Variants in GPC6 observed in about 807,000 individuals in gnomAD.
The protein encoded by GPC6 is glypican-6.
Under a neutral mutation model 55.2 loss-of-function variants are expected in GPC6, and 14 were observed. The observed-to-expected ratio is 0.25, with a 90% CI of 0.17 to 0.40. The LOEUF is 0.40. Among genes scored for constraint, GPC6 ranks in the 10% least tolerant of loss-of-function variants. The probability of loss-of-function intolerance (pLI) is 1.00; values close to 1 mark genes in which losing one functional copy is unlikely to be tolerated. For synonymous variants in GPC6, 278 were observed against 259.6 expected (o/e 1.07, Z -0.68); for missense variants, 641 against 708.5 (o/e 0.90, Z 1.08).
At chr13:93,741,216 G>A (rs1392317155) in intron 2 of GPC6, among the ~76,000 whole-genome samples, 4 of 136,068 alleles carry the variant, frequency 2.9e-5, no homozygotes, top group Middle Eastern at 4.6e-3. Flanking sequence ...CCAGGTTCAC[G>A]CCATTCTCCT....
chr13:94,163,931 G>A (rs907782809), intron 4 of GPC6, among the ~76,000 whole-genome samples: 1 of 152,206 alleles, frequency 6.6e-6, no homozygotes, highest in Non-Finnish European at 1.5e-5. Context: ...TAAATATGCA[G>A]TGTGTAGAGG....
chr13:93,934,788 C>G (rs1374343656), intron 3 of GPC6, among the ~76,000 whole-genome samples: 1 of 148,482 alleles, frequency 6.7e-6, no homozygotes, highest in African/African-American at 2.5e-5. Context: ...ACCATAGTGT[C>G]TGACTTTGTG....
chr13:94,215,995 T>A (rs1013404973), intron 4 of GPC6, among the ~76,000 whole-genome samples: 1 of 61,156 alleles, frequency 1.6e-5, no homozygotes, highest in Non-Finnish European at 3.5e-5. Context: ...TTTTAGACGT[T>A]AGTTCCTATT....
At chr13:93,911,467 C>G (rs1039714392) in intron 3 of GPC6, among the ~76,000 whole-genome samples, 2 of 151,854 alleles carry the variant, frequency 1.3e-5, no homozygotes, top group Non-Finnish European at 2.9e-5. Flanking sequence ...CTTGGTCAAT[C>G]ACAAGGATAT....
At chr13:93,936,582 T>A (rs1246754767) in intron 3 of GPC6, among the ~76,000 whole-genome samples, 1 of 152,218 alleles carries the variant, frequency 6.6e-6, no homozygotes, top group Non-Finnish European at 1.5e-5. Flanking sequence ...TATGAAATTT[T>A]AATTACATTA....
chr13:93,788,834 A>G (rs1341883400), intron 2 of GPC6, among the ~76,000 whole-genome samples: 1 of 152,178 alleles, frequency 6.6e-6, no homozygotes, highest in Non-Finnish European at 1.5e-5. Context: ...AAAAATATGC[A>G]TCAGATCAAT....
intron 2 of GPC6, among the ~76,000 whole-genome samples, chr13:93,810,948 G>A (rs78138870): frequency 1.3e-5 from 2 of 152,158 alleles, no homozygotes; most frequent in African/African-American, 4.8e-5. Context: ...CTGCATGGTC[G>A]TATTCAAACC....
chr13:93,771,659 A>G (rs1255279452), intron 2 of GPC6, among the ~76,000 whole-genome samples: 3 of 152,090 alleles, frequency 2.0e-5, no homozygotes, highest in Non-Finnish European at 4.4e-5. Flanking sequence ...CCAGCATGGC[A>G]CATGTATACA....
chr13:94,247,894 A>G (rs1275627872), intron 4 of GPC6, among the ~76,000 whole-genome samples: 1 of 151,894 alleles, frequency 6.6e-6, no homozygotes, highest in Admixed American at 6.6e-5. Context: ...GGCTGTTCAC[A>G]GGTACAAACA....
At chr13:93,859,375 A>G (rs576449949) in intron 3 of GPC6, among the ~76,000 whole-genome samples, 5 of 151,632 alleles carry the variant, frequency 3.3e-5, no homozygotes, top group South Asian at 2.1e-4. Context: ...GTTCTCATCA[A>G]TTTCTGAAAT....
At chr13:94,015,586 TC>T (rs1226465416) in intron 3 of GPC6, among the ~76,000 whole-genome samples, 1 of 152,134 alleles carries the variant, frequency 6.6e-6, no homozygotes, top group African/African-American at 2.4e-5. Context: ...CATTCTTAAA[TC>T]CAAGATCATC....
At chr13:93,889,312 A>G (rs1045007494) in intron 3 of GPC6, among the ~76,000 whole-genome samples, 1 of 152,082 alleles carries the variant, frequency 6.6e-6, no homozygotes, top group Non-Finnish European at 1.5e-5. Flanking sequence ...TTTTTTCCCC[A>G]AACGATTTTA....
chr13:93,974,432 A>T (rs1880428978), intron 3 of GPC6, among the ~76,000 whole-genome samples: 1 of 152,214 alleles, frequency 6.6e-6, no homozygotes, highest in Non-Finnish European at 1.5e-5. Context: ...CTATAATGTT[A>T]TGTACACTTC....
intron 3 of GPC6, among the ~76,000 whole-genome samples, chr13:94,014,196 A>G (rs1311498629): frequency 1.3e-5 from 2 of 152,210 alleles, no homozygotes; most frequent in African/African-American, 2.4e-5. Flanking sequence ...GAAGGCCCCA[A>G]GGTTTTCTGT....
intron 2 of GPC6, among the ~76,000 whole-genome samples, chr13:93,551,777 A>G (rs1875171734): frequency 6.6e-6 from 1 of 152,148 alleles, no homozygotes; most frequent in African/African-American, 2.4e-5. Flanking sequence ...TACTAATCAC[A>G]TTGACTTTTA....
rs1887757556 is a variant in GPC6, at chr13:94,151,949, T to C, written c.877+124055T>C. 2.0e-5 allele frequency among the ~76,000 whole-genome samples: 3 copies of C among 152,306 alleles called. 1 individual carries two copies. The highest frequency in any genetic ancestry group is 2.0e-4 in the Admixed American group (3 of 15,276). ...TCCCTTTCACTTCTTTCTTTTTCCA[T>C]TTTTTCTTTCTTTTTTATTGACCCG... On this transcript the variant is annotated intron_variant, in intron 4 of 8. Coordinates refer to ENST00000377047, the MANE Select transcript of GPC6 (RefSeq NM_005708.5).
chr13:94,075,097 C>G (rs914282161), intron 4 of GPC6, among the ~76,000 whole-genome samples: 5 of 152,080 alleles, frequency 3.3e-5, no homozygotes, highest in African/African-American at 4.8e-5. Flanking sequence ...TTGTATTTAT[C>G]ATGTGATAGT....
chr13:94,015,236 G>A (rs776563412), intron 3 of GPC6, among the ~76,000 whole-genome samples: 2 of 152,064 alleles, frequency 1.3e-5, no homozygotes, highest in Non-Finnish European at 2.9e-5. Context: ...CATCTTAATG[G>A]TGTGAAGCAG....
chr13:93,817,882 ATAG>A (rs1886911688), intron 2 of GPC6, among the ~76,000 whole-genome samples: 2 of 149,816 alleles, frequency 1.3e-5, no homozygotes, highest in African/African-American at 4.9e-5. Context: ...AGATAGATAG[ATAG>A]ATAGATAGAT....
Sources: allele counts gnomAD v4.1 joint callset (sites outside exome capture counted in the v4.1 genomes callset), GRCh38; gene constraint gnomAD v4.1.1; transcripts MANE v1.5; gene names NCBI Gene and HGNC (gene_info 2026-07-23, HGNC 2026-07-21).